Variants in DEPTOR observed in about 807,000 individuals in gnomAD.
DEPTOR encodes the protein DEP domain containing MTOR interacting protein.
In DEPTOR, 41 loss-of-function variants were observed where a neutral mutation model predicts 41.6. The ratio of observed to expected loss-of-function variants is 0.98; its 90% CI spans 0.77 to 1.28. The LOEUF (loss-of-function observed/expected upper bound fraction) is 1.28, where lower values mean the gene tolerates loss of function less well. DEPTOR is among the 50% of genes most tolerant of loss of function. The pLI is 0.00. For missense variants in DEPTOR, 514 were observed against 527.9 expected (o/e 0.97, Z 0.26); for synonymous variants, 195 against 192.3 (o/e 1.01, Z -0.12).
At chr8:119,952,445 A>G (rs1007215383) in intron 3 of DEPTOR, among the ~76,000 whole-genome samples, 1 of 152,126 alleles carries the variant, frequency 6.6e-6, no homozygotes, top group African/African-American at 2.4e-5. Flanking sequence ...ACAGTGAACA[A>G]CCTGTATTAC....
chr8:120,039,954 G>T (rs531320521), intron 8 of DEPTOR, among the ~76,000 whole-genome samples: 1 of 151,868 alleles, frequency 6.6e-6, no homozygotes, highest in Non-Finnish European at 1.5e-5. Flanking sequence ...AGCAATTCTC[G>T]TGCCTCAGCC....
rs538892063 is a variant in DEPTOR at position 119,970,883 on chromosome 8, C to T, written c.604+5473C>T. On this transcript the variant is annotated intron_variant, in intron 4 of 8. Transcript: ENST00000286234. ...AGTAACACGTGTGCAATATCTCCAC[C>T]GGGGAGCCCTCGGAGGGGCCAAGGG... 2.1e-3 allele frequency among the ~76,000 whole-genome samples: 325 copies of T among 152,124 alleles called. 2 individuals carry two copies. The highest frequency in any genetic ancestry group is 7.4e-3 in the African/African-American group (308 of 41,496).
At chr8:119,931,760 C>T (rs1477156189) in intron 3 of DEPTOR, among the ~76,000 whole-genome samples, 1 of 152,082 alleles carries the variant, frequency 6.6e-6, no homozygotes, top group African/African-American at 2.4e-5. Flanking sequence ...TTTACTTGAA[C>T]ATGTGCATTT....
chr8:120,002,791 A>AAAAAAAAATATATAT, intron 5 of DEPTOR, among the ~76,000 whole-genome samples, 186 bp from the exon 6 acceptor site: 5 of 60,672 alleles, frequency 8.2e-5, no homozygotes, highest in Non-Finnish European at 8.6e-5. Flanking sequence ...AAAAAAAAAA[A>AAAAAAAAATATATAT]ATATATATAT....
At position 120,044,114 on chromosome 8, in the gene DEPTOR, G is replaced by A. The variant is rs536401709; in HGVS notation, c.1102-5462G>A. ...AAGAAATTGATTAGAAAGATATTAAGTATGTAAAACAAAGGCAGATCCAGA... is the reference window on the plus strand; with the variant it reads ...AAGAAATTGATTAGAAAGATATTAAATATGTAAAACAAAGGCAGATCCAGA... On this transcript the variant is annotated intron_variant, in intron 8 of 8. Coordinates refer to ENST00000286234, the MANE Select transcript of DEPTOR (RefSeq NM_022783.4). Among the ~76,000 whole-genome samples the A allele has an allele frequency of 2.0e-5, 3 of 151,298 alleles. No homozygotes were observed. The South Asian group carries it at 6.3e-4, about 32-fold the overall frequency.
At chr8:119,927,604 AT>A (rs1827979663) in intron 1 of DEPTOR, among the ~76,000 whole-genome samples, 1 of 146,988 alleles carries the variant, frequency 6.8e-6, no homozygotes, top group Non-Finnish European at 1.5e-5. Flanking sequence ...ATATATATAA[AT>A]ATATATATTA....
intron 1 of DEPTOR, among the ~76,000 whole-genome samples, chr8:119,886,136 G>C (rs928885835): frequency 1.3e-5 from 2 of 152,074 alleles, no homozygotes; most frequent in Non-Finnish European, 2.9e-5. Context: ...TGGAAGTTCA[G>C]GAGATACAAT....
intron 8 of DEPTOR, among the ~76,000 whole-genome samples, chr8:120,031,900 G>T (rs1465025402): frequency 6.6e-6 from 1 of 152,092 alleles, no homozygotes; most frequent in East Asian, 1.9e-4. Flanking sequence ...AAGTCTGAGG[G>T]ATGAGTCCTT....
intron 1 of DEPTOR, among the ~76,000 whole-genome samples, chr8:119,882,482 G>A (rs1434017573): frequency 6.6e-6 from 1 of 151,556 alleles, no homozygotes; most frequent in African/African-American, 2.4e-5. Context: ...TCAACCTCTG[G>A]GTCCTGGGCT....
chr8:119,987,484 T>C (rs1828845025), intron 4 of DEPTOR, among the ~76,000 whole-genome samples: 1 of 152,160 alleles, frequency 6.6e-6, no homozygotes, highest in Non-Finnish European at 1.5e-5. Flanking sequence ...CTGGCATATG[T>C]CTCCCAGTCA....
At chr8:120,016,014 C>T (rs1480889853) in intron 8 of DEPTOR, among the ~76,000 whole-genome samples, 1 of 152,150 alleles carries the variant, frequency 6.6e-6, no homozygotes, top group Non-Finnish European at 1.5e-5. Flanking sequence ...TTCTAATGGC[C>T]TCCATTTGCA....
chr8:120,021,661 A>G (rs1449745616), intron 8 of DEPTOR, among the ~76,000 whole-genome samples: 1 of 152,186 alleles, frequency 6.6e-6, no homozygotes, highest in Non-Finnish European at 1.5e-5. Flanking sequence ...ATTGCAGTAT[A>G]CTATTCCAAT....
intron 1 of DEPTOR, among the ~76,000 whole-genome samples, chr8:119,877,919 G>A (rs776513842): frequency 3.3e-5 from 5 of 152,080 alleles, no homozygotes; most frequent in South Asian, 2.1e-4. Flanking sequence ...CAATCCTGAC[G>A]CTTCTTTTTT....
intron 3 of DEPTOR, among the ~76,000 whole-genome samples, chr8:119,935,423 A>G (rs989505067): frequency 1.3e-5 from 2 of 152,152 alleles, no homozygotes; most frequent in African/African-American, 4.8e-5. Flanking sequence ...AAATAGATTT[A>G]TTTAAGAAAA....
intron 8 of DEPTOR, among the ~76,000 whole-genome samples, chr8:120,018,413 A>G (rs1245811758): frequency 6.6e-6 from 1 of 152,172 alleles, no homozygotes; most frequent in East Asian, 1.9e-4. Context: ...CCCCATCTCT[A>G]CTAACAAATA....
chr8:119,991,086 C>CG (rs1812162655), intron 4 of DEPTOR, among the ~76,000 whole-genome samples: 1 of 107,476 alleles, frequency 9.3e-6, no homozygotes, highest in South Asian at 3.4e-4. Flanking sequence ...TTCTTTCTTT[C>CG]TTTTTCTTTC....
intron 8 of DEPTOR, among the ~76,000 whole-genome samples, chr8:120,043,727 G>A (rs1039641734): frequency 6.6e-6 from 1 of 152,014 alleles, no homozygotes; most frequent in African/African-American, 2.4e-5. Flanking sequence ...AGATTGCACT[G>A]GGGGCCAGGC....
intron 3 of DEPTOR, among the ~76,000 whole-genome samples, chr8:119,935,537 A>G (rs1230117840): frequency 6.6e-6 from 1 of 152,140 alleles, no homozygotes; most frequent in Middle Eastern, 3.2e-3. Context: ...CCTGGCCAAC[A>G]GGGTGAAACC....
intron 3 of DEPTOR, among the ~76,000 whole-genome samples, chr8:119,939,965 C>G (rs1278937690): frequency 6.6e-6 from 1 of 151,970 alleles, no homozygotes; most frequent in African/African-American, 2.4e-5. Context: ...CACCTGTAAT[C>G]CCAGCACTTT....
Sources: allele counts gnomAD v4.1 joint callset (sites outside exome capture counted in the v4.1 genomes callset), GRCh38; gene constraint gnomAD v4.1.1; transcripts MANE v1.5; gene names NCBI Gene and HGNC (gene_info 2026-07-23, HGNC 2026-07-21).